Variants in GNB4 observed in about 807,000 individuals in gnomAD.
GNB4 encodes G protein subunit beta 4.
A neutral mutation model predicts 45.2 loss-of-function variants in GNB4; 28 were observed. The observed-to-expected ratio is 0.62, with a 90% CI of 0.46 to 0.85. The LOEUF is 0.85. Among genes scored for constraint, GNB4 ranks in the 40% least tolerant of loss-of-function variants. The probability of loss-of-function intolerance (pLI) is 0.00; values close to 1 mark genes in which losing one functional copy is unlikely to be tolerated. For synonymous variants in GNB4, 132 were observed against 143.7 expected, an observed-to-expected ratio of 0.92 and a Z score of 0.58; for missense variants, 321 against 425.4, an observed-to-expected ratio of 0.75 and a Z score of 2.16.
intron 1 of GNB4, among the ~76,000 whole-genome samples, chr3:179,450,420 T>C (rs1206574924): frequency 6.6e-6 from 1 of 152,192 alleles, no homozygotes; most frequent in Non-Finnish European, 1.5e-5. Flanking sequence ...TAAACTCTGT[T>C]TGCAACACTG....
At chr3:179,430,890 C>CTAATA (rs1715291669) in intron 1 of GNB4, among the ~76,000 whole-genome samples, 1 of 152,000 alleles carries the variant, frequency 6.6e-6, no homozygotes, top group Non-Finnish European at 1.5e-5. Context: ...CTGAACAACC[C>CTAATA]TAATATTCAT....
chr3:179,429,658 C>T (rs1432169195), intron 1 of GNB4, among the ~76,000 whole-genome samples: 3 of 152,288 alleles, frequency 2.0e-5, no homozygotes, highest in East Asian at 3.9e-4. Flanking sequence ...CATCTTGTCA[C>T]ACTCAACAGC....
chr3:179,456,219 G>A (rs1248480592), upstream of GNB4, among the ~76,000 whole-genome samples: 1 of 151,318 alleles, frequency 6.6e-6, no homozygotes, highest in East Asian at 2.0e-4. Flanking sequence ...AGCCTCCTGA[G>A]TAGGTGGGAT....
the GNB4 span, among the ~76,000 whole-genome samples, chr3:179,468,035 A>AAT: frequency 3.8e-4 from 34 of 89,856 alleles, no homozygotes; most frequent in East Asian, 1.0e-3. Context: ...TGTTGATAAA[A>AAT]ATATATATAT....
chr3:179,409,125 T>TAAA (rs35623624), intron 8 of GNB4, among the ~76,000 whole-genome samples: 1 of 134,146 alleles, frequency 7.5e-6, no homozygotes. Context: ...TGAAACCCAG[T>TAAA]AAAAAAAAAA....
chr3:179,414,830 A>G, intron 6 of GNB4, 55 bp downstream of exon 6: 1 of 1,413,272 alleles, frequency 7.1e-7, no homozygotes, highest in Non-Finnish European at 9.6e-7. Flanking sequence ...GTCCTTGATC[A>G]GCACATTCCA....
intron 1 of GNB4, among the ~76,000 whole-genome samples, chr3:179,435,259 T>C (rs1212680608): frequency 6.6e-6 from 1 of 152,162 alleles, no homozygotes; most frequent in Non-Finnish European, 1.5e-5. Flanking sequence ...ACTTCATTCC[T>C]AAGGCTTTCA....
At chr3:179,407,035 C>A (rs1258877299) in intron 8 of GNB4, among the ~76,000 whole-genome samples, 2 of 152,138 alleles carry the variant, frequency 1.3e-5, no homozygotes, top group Non-Finnish European at 2.9e-5. Flanking sequence ...TGCTTCCAGC[C>A]AAAATGGAGC....
rs939201536 is a variant in GNB4 at position 179,396,449 on chromosome 3, T to A, written c.*4764A>T. On this transcript the variant is annotated 3_prime_UTR_variant, in exon 10 of 10. Coordinates refer to ENST00000232564, the MANE Select transcript of GNB4 (RefSeq NM_021629.4). ...AATAGAAATGCAAGTGTTCAGATGC[T>A]TCTTTGAAAAGAAAACAATAGGATA... 5 of 152,354 alleles carry A rather than the reference T, an allele frequency of 3.3e-5. No homozygotes were observed. The highest frequency in any genetic ancestry group is 1.2e-4 in the African/African-American group (5 of 41,592). 9.4% of individuals were successfully genotyped at this position (152,354 alleles called of 1,614,324 possible). A position where few individuals can be genotyped will look rare whatever the true frequency, so the allele number is the denominator to read the frequency against.
At chr3:179,468,222 G>A in the GNB4 span, among the ~76,000 whole-genome samples, 32 of 151,188 alleles carry the variant, frequency 2.1e-4, 1 homozygote, top group East Asian at 5.3e-3. Flanking sequence ...AAGACCTGGC[G>A]CAGTGGCTCA....
At chr3:179,512,965 G>T in the GNB4 span, among the ~76,000 whole-genome samples, 1 of 151,748 alleles carries the variant, frequency 6.6e-6, no homozygotes, top group African/African-American at 2.4e-5. Flanking sequence ...TCACTGAAAA[G>T]TTTCATGCTT....
chr3:179,468,035 A>AAATATATATATATATATATATAT, the GNB4 span, among the ~76,000 whole-genome samples: 72 of 89,786 alleles, frequency 8.0e-4, 5 homozygotes, highest in South Asian at 1.4e-3. Context: ...TGTTGATAAA[A>AAATATATATATATATATATATAT]ATATATATAT....
the GNB4 span, among the ~76,000 whole-genome samples, chr3:179,463,678 A>G: frequency 7.2e-5 from 11 of 152,222 alleles, no homozygotes; most frequent in African/African-American, 2.2e-4. Flanking sequence ...ATAGTATGCT[A>G]TTATAAACTA....
At chr3:179,460,470 C>G in the GNB4 span, among the ~76,000 whole-genome samples, 1 of 152,082 alleles carries the variant, frequency 6.6e-6, no homozygotes, top group Non-Finnish European at 1.5e-5. Flanking sequence ...GACAATGAGT[C>G]AGATATGTAT....
chr3:179,433,713 A>T (rs1715371120), intron 1 of GNB4, among the ~76,000 whole-genome samples: 1 of 152,168 alleles, frequency 6.6e-6, no homozygotes, highest in Admixed American at 6.5e-5. Flanking sequence ...CCAAAAAAAA[A>T]AACAAGTCAC....
chr3:179,474,175 T>G, the GNB4 span, among the ~76,000 whole-genome samples: 1 of 152,094 alleles, frequency 6.6e-6, no homozygotes, highest in Admixed American at 6.6e-5. Flanking sequence ...GGCGACAGAG[T>G]GAGACCTTGT....
At chr3:179,468,031 T>TAAAAAAAA in the GNB4 span, among the ~76,000 whole-genome samples, 36 of 67,302 alleles carry the variant, frequency 5.3e-4, no homozygotes, top group African/African-American at 2.2e-3. Context: ...ATTTTGTTGA[T>TAAAAAAAA]AAAAATATAT....
the GNB4 span, among the ~76,000 whole-genome samples, chr3:179,472,968 C>T: frequency 2.0e-5 from 3 of 152,180 alleles, no homozygotes; most frequent in African/African-American, 7.2e-5. Flanking sequence ...TCGAGACCAT[C>T]CTGGCTAACA....
upstream of GNB4, among the ~76,000 whole-genome samples, chr3:179,453,885 C>T (rs1015457090): frequency 6.6e-6 from 1 of 151,636 alleles, no homozygotes; most frequent in African/African-American, 2.4e-5. Flanking sequence ...AAAGGACAAG[C>T]CTATACTGAA....
Sources: allele counts gnomAD v4.1 joint callset (sites outside exome capture counted in the v4.1 genomes callset), GRCh38; gene constraint gnomAD v4.1.1; transcripts MANE v1.5; gene names NCBI Gene and HGNC (gene_info 2026-07-23, HGNC 2026-07-21).